SF3B1: variants seen among roughly 807,000 people sequenced by gnomAD.
The protein encoded by SF3B1 is pre-mRNA processing 10.
A neutral mutation model predicts 153.8 loss-of-function variants in SF3B1; 12 were observed. That is an observed-to-expected ratio of 0.08 (90% CI 0.05 to 0.13). The LOEUF is 0.13. SF3B1 is among the 10% of genes least tolerant of loss of function. The pLI is 1.00. For missense variants in SF3B1, 513 were observed against 1,606.1 expected (o/e 0.32, Z 11.63); for synonymous variants, 498 against 525.2 (o/e 0.95, Z 0.71).
chr2:197,421,464 G>C (rs2085241585), intron 2 of SF3B1, among the ~76,000 whole-genome samples: 1 of 152,082 alleles, frequency 6.6e-6, no homozygotes. Flanking sequence ...GATAACTACA[G>C]CTTATTTTAG....
intron 8 of SF3B1, 24 bp from the exon 9 acceptor site, chr2:197,408,143 T>C: frequency 6.3e-7 from 1 of 1,583,572 alleles, no homozygotes; most frequent in Non-Finnish European, 8.7e-7. Flanking sequence ...CAAATTTTTA[T>C]ATAATCTATA....
At chr2:197,418,001 C>T (rs193027208) in intron 5 of SF3B1, among the ~76,000 whole-genome samples, 22 of 151,062 alleles carry the variant, frequency 1.5e-4, no homozygotes, top group Admixed American at 3.3e-4. Flanking sequence ...TTTGGCAGGC[C>T]GAGACAGGCA....
chr2:197,407,925 T>G, intron 9 of SF3B1, 73 bp downstream of exon 9: 1 of 1,414,100 alleles, frequency 7.1e-7, no homozygotes, highest in Non-Finnish European at 9.8e-7. Context: ...CAATGCAAGC[T>G]TAATCAATTT....
chr2:197,411,596 C>T (rs1165202270), intron 6 of SF3B1, among the ~76,000 whole-genome samples: 1 of 151,034 alleles, frequency 6.6e-6, no homozygotes, highest in Non-Finnish European at 1.5e-5. Flanking sequence ...GGTGTGAACC[C>T]GGGAGGCAGA....
intron 1 of SF3B1, among the ~76,000 whole-genome samples, chr2:197,424,862 A>T (rs1214478901): frequency 3.3e-5 from 5 of 152,226 alleles, no homozygotes; most frequent in Non-Finnish European, 7.3e-5. Context: ...AGGCACTTTT[A>T]AAAAGCTTAC....
Position 197,402,140 on chromosome 2 carries a change from C to G in SF3B1, c.2078-10G>C, listed in dbSNP as rs747483745. ...TGCTCATCCACAAGACCTACAAAAC[C>G]AAACACAGGTTTTAACTATGCCCCA... On this transcript the variant is annotated splice_polypyrimidine_tract_variant and intron_variant, in intron 14 of 24. Transcript: ENST00000335508. This position sits in a 1 kb window ranked among gnomAD's most constrained non-coding sequence, Gnocchi z 4.6. The G allele has an allele frequency of 6.3e-7, 1 of 1,592,296 alleles. No individual in the cohort carries two copies. Among genetic ancestry groups the G allele is most frequent in the African/African-American group, 1.4e-5 (1 of 73,876 alleles).
chr2:197,403,571 T>C lies in SF3B1; in HGVS notation c.1719+14A>G, dbSNP rs756932410. On this transcript the variant is annotated intron_variant, in intron 12 of 24. Transcript: ENST00000335508. ...AACTTTAAACTATCAGAAACACTAT[T>C]AAGGAGAACAAACCTTATGCACATA... 1 of 1,516,776 alleles carries C rather than the reference T, an allele frequency of 6.6e-7. No individual in the cohort carries two copies. The highest frequency in any genetic ancestry group is 8.8e-7 in the Non-Finnish European group (1 of 1,134,234). The allele number at this position is 1,516,776 out of a possible 1,614,324, so 94.0% of individuals were successfully genotyped here. A position where few individuals can be genotyped will look rare whatever the true frequency, so the allele number is the denominator to read the frequency against.
intron 23 of SF3B1, among the ~76,000 whole-genome samples, chr2:197,393,924 C>T (rs2105975607): frequency 6.6e-6 from 1 of 152,200 alleles, no homozygotes; most frequent in South Asian, 2.1e-4. Context: ...TGGCTCATGT[C>T]TGTAATCCTA....
At chr2:197,424,128 G>T (rs763353039) in intron 1 of SF3B1, among the ~76,000 whole-genome samples, 154 bp from the exon 2 acceptor site, 4 of 152,186 alleles carry the variant, frequency 2.6e-5, no homozygotes, top group Admixed American at 1.3e-4. Context: ...TCACAACAGC[G>T]TAAGCAAGCT....
Position 197,419,021 on chromosome 2 carries a change from C to T in SF3B1, c.416-433G>A. 8.7e-6 allele frequency: 11 copies of T among 1,265,212 alleles called. No individual in the cohort carries two copies. In the South Asian group the frequency reaches 1.3e-4, roughly 15 times the overall value. The allele number at this position is 1,265,212 out of a possible 1,614,324, so 78.4% of individuals were successfully genotyped here. On this transcript the variant is annotated intron_variant, in intron 4 of 24. Transcript: ENST00000335508. ...TTTATATTCAAAACATTACCTGTTG[C>T]AAGCTGTTAAAATCCTGACTACAAA...
At chr2:197,419,965 A>C (rs1344214227) in intron 4 of SF3B1, 1 of 223,098 alleles carries the variant, frequency 4.5e-6, no homozygotes, top group East Asian at 6.6e-5. Context: ...TTTAACTTTA[A>C]GTATGCTTAG....
chr2:197,428,341 TA>T (rs1341570391), intron 1 of SF3B1, among the ~76,000 whole-genome samples: 1 of 151,940 alleles, frequency 6.6e-6, no homozygotes, highest in Non-Finnish European at 1.5e-5. Context: ...AGTAAATAAA[TA>T]AATAGGTAAT....
intron 1 of SF3B1, among the ~76,000 whole-genome samples, chr2:197,430,403 G>GA (rs1490520632): frequency 6.6e-6 from 1 of 152,108 alleles, no homozygotes; most frequent in Non-Finnish European, 1.5e-5. Flanking sequence ...TGTAACTGTT[G>GA]AAGCTAGGTG....
chr2:197,424,509 A>C (rs1466352734), intron 1 of SF3B1, among the ~76,000 whole-genome samples: 5 of 151,944 alleles, frequency 3.3e-5, no homozygotes, highest in African/African-American at 1.2e-4. Context: ...AAAAAAAAAA[A>C]ACCGTGACAA....
intron 7 of SF3B1, chr2:197,408,797 C>A: frequency 1.9e-6 from 1 of 525,090 alleles, no homozygotes; most frequent in East Asian, 3.4e-5. Context: ...GTGGTGGGCG[C>A]TTGTAATCCC....
rs1355237383 is a variant in SF3B1, at chr2:197,393,202, G to GA, written c.3540-15dup. On this transcript the variant is annotated splice_polypyrimidine_tract_variant and intron_variant, in intron 23 of 24. Coordinates refer to ENST00000335508, the MANE Select transcript of SF3B1 (RefSeq NM_012433.4). The stretch of plus-strand genomic sequence containing the variant: ...TGTACAAGGTCTCTACAACGGAAGG[G>GA]AAAAAAGTCCTTTAAGATGCGGTCT... 2.7e-5 allele frequency: 43 copies of GA among 1,583,694 alleles called. No homozygotes were observed. The highest frequency in any genetic ancestry group is 3.7e-5 in the Non-Finnish European group (43 of 1,153,376).
intron 1 of SF3B1, among the ~76,000 whole-genome samples, chr2:197,434,034 T>C (rs962923581): frequency 2.0e-5 from 3 of 152,174 alleles, no homozygotes; most frequent in South Asian, 4.1e-4. Context: ...GACTGTAAAA[T>C]TTTGGATGGC....
chr2:197,403,764 C>T lies in SF3B1; in HGVS notation c.1540G>A (p.Ala514Thr). The T allele has an allele frequency of 6.3e-7, 1 of 1,576,776 alleles. No individual in the cohort carries two copies. Among genetic ancestry groups the T allele is most frequent in the Admixed American group, 2.0e-5 (1 of 49,538 alleles). ...TTATCAGTAATCTGACGCAATGCAG[C>T]CTGGGAAAAAGAGCAGAGTAATAGG... The part of the protein sequence containing the change: ...IKNGTPPMRK[A>T]ALRQITDKAR... Residue 514 changes from alanine (A) to threonine (T), a missense_variant and splice_region_variant, in exon 12 of 25, where the codon GCT (alanine) becomes ACT (threonine). Physicochemically the swap from Ala to Thr is moderately conservative, Grantham distance 58 (BLOSUM62 0). Coordinates refer to ENST00000335508, the MANE Select transcript of SF3B1 (RefSeq NM_012433.4).
chr2:197,404,935 T>TTGG (rs1192910765), intron 11 of SF3B1, 141 bp downstream of exon 11: 2 of 590,722 alleles, frequency 3.4e-6, no homozygotes, highest in Admixed American at 6.5e-5. Context: ...TCCCAGCACT[T>TTGG]TGGGAGGTAG....
Sources: gnomAD v4.1 joint callset for allele counts (sites outside exome capture counted in the v4.1 genomes callset) on GRCh38, gnomAD v4.1.1 for gene constraint, Gnocchi (gnomAD v3.1) non-coding constraint, MANE v1.5 for transcripts, NCBI Gene and HGNC (gene_info 2026-07-23, HGNC 2026-07-21) for gene names.